SGCZ: variants seen among roughly 807,000 people sequenced by gnomAD.
SGCZ encodes the protein zeta-sarcoglycan.
A neutral mutation model predicts 41.3 loss-of-function variants in SGCZ; 40 were observed. The observed-to-expected ratio is 0.97, with a 90% CI of 0.75 to 1.26. The LOEUF (loss-of-function observed/expected upper bound fraction) is 1.26, where lower values mean the gene tolerates loss of function less well. SGCZ is among the 50% of genes most tolerant of loss of function. The pLI is 0.00. For missense variants in SGCZ, 552 were observed against 369.8 expected (o/e 1.49, Z -4.04); for synonymous variants, 206 against 137.5 (o/e 1.50, Z -3.49).
chr8:14,230,435 C>T (rs56656905), intron 4 of SGCZ, among the ~76,000 whole-genome samples: 48,874 of 151,626 alleles, frequency 0.32, 8,144 homozygotes, highest in Non-Finnish European at 0.37. Context: ...CTATATGAGG[C>T]AAATACTCAT....
At chr8:15,021,582 G>C (rs1803250218) in intron 1 of SGCZ, among the ~76,000 whole-genome samples, 1 of 152,182 alleles carries the variant, frequency 6.6e-6, no homozygotes, top group Non-Finnish European at 1.5e-5. Flanking sequence ...CTGAAACACT[G>C]TATGGGGTTA....
At chr8:14,442,539 C>G in intron 2 of SGCZ, among the ~76,000 whole-genome samples, 1 of 152,136 alleles carries the variant, frequency 6.6e-6, no homozygotes, top group East Asian at 1.9e-4. Flanking sequence ...TTGACAGTAC[C>G]TGACACTAAA....
chr8:14,988,819 TAA>T (rs779733783), intron 1 of SGCZ, among the ~76,000 whole-genome samples: 34 of 152,290 alleles, frequency 2.2e-4, no homozygotes, highest in Non-Finnish European at 4.3e-4. Flanking sequence ...ATTGAAATAC[TAA>T]GAGAGAAAAC....
At chr8:14,296,717 C>T (rs1187265167) in intron 3 of SGCZ, among the ~76,000 whole-genome samples, 1 of 151,414 alleles carries the variant, frequency 6.6e-6, no homozygotes, top group African/African-American at 2.4e-5. Context: ...TAGCCAAAAA[C>T]CTAAAAGAGG....
At chr8:15,186,012 C>A (rs1013537104) in intron 1 of SGCZ, among the ~76,000 whole-genome samples, 1 of 150,362 alleles carries the variant, frequency 6.7e-6, no homozygotes, top group Non-Finnish European at 1.5e-5. Context: ...ATCACGAGGT[C>A]AGGAGATGAG....
intron 1 of SGCZ, among the ~76,000 whole-genome samples, chr8:14,987,598 A>G (rs1801866360): frequency 6.6e-6 from 1 of 151,956 alleles, no homozygotes; most frequent in Non-Finnish European, 1.5e-5. Flanking sequence ...TTCCACTTAC[A>G]TACCCAGTCA....
chr8:14,861,526 T>C (rs1361883755), intron 1 of SGCZ, among the ~76,000 whole-genome samples: 1 of 152,154 alleles, frequency 6.6e-6, no homozygotes, highest in African/African-American at 2.4e-5. Context: ...TGGCATTGCA[T>C]GACATAAAGA....
At chr8:15,147,607 T>C (rs758100419) in intron 1 of SGCZ, among the ~76,000 whole-genome samples, 1 of 152,128 alleles carries the variant, frequency 6.6e-6, no homozygotes, top group Non-Finnish European at 1.5e-5. Flanking sequence ...GTTAATTTAG[T>C]GATTTTCCGC....
chr8:14,922,550 G>A (rs1004860262), intron 1 of SGCZ, among the ~76,000 whole-genome samples: 4 of 152,046 alleles, frequency 2.6e-5, no homozygotes, highest in African/African-American at 9.7e-5. Flanking sequence ...TGCCTCCCGG[G>A]TTCAAGCTAT....
At chr8:14,977,212 T>C (rs1196170739) in intron 1 of SGCZ, among the ~76,000 whole-genome samples, 1 of 152,004 alleles carries the variant, frequency 6.6e-6, no homozygotes, top group African/African-American at 2.4e-5. Context: ...CTATGTCTTC[T>C]TCACAGTGAA....
At position 14,733,069 on chromosome 8, in the gene SGCZ, G is replaced by C. The variant is rs184159810; in HGVS notation, c.40-178143C>G. Among the ~76,000 whole-genome samples the C allele has an allele frequency of 1.2e-3, 190 of 152,166 alleles. 2 individuals carry two copies. The highest frequency in any genetic ancestry group is 2.2e-4 in the Non-Finnish European group (15 of 68,008). ...TCTATCACTCCTAGAGACAGTAAAC[G>C]ACTCACCTGTGAGCATGACACTGAC... On this transcript the variant is annotated intron_variant, in intron 1 of 7. Coordinates refer to ENST00000382080, the MANE Select transcript of SGCZ (RefSeq NM_139167.4).
intron 1 of SGCZ, among the ~76,000 whole-genome samples, chr8:14,557,884 T>C (rs1189829129): frequency 2.6e-5 from 4 of 152,114 alleles, no homozygotes; most frequent in African/African-American, 9.7e-5. Context: ...CAAAGCTGGT[T>C]CTTTGAAAAG....
At chr8:14,173,118 C>G (rs1278918610) in intron 4 of SGCZ, among the ~76,000 whole-genome samples, 1 of 151,840 alleles carries the variant, frequency 6.6e-6, no homozygotes, top group Non-Finnish European at 1.5e-5. Flanking sequence ...TAAAATCATA[C>G]TTGAACAGGA....
Position 14,796,374 on chromosome 8 carries a change from G to A in SGCZ, c.40-241448C>T, listed in dbSNP as rs115358291. 2.9e-3 allele frequency among the ~76,000 whole-genome samples: 441 copies of A among 151,936 alleles called. 3 individuals carry two copies. Among genetic ancestry groups the A allele is most frequent in the African/African-American group, 9.8e-3 (406 of 41,320 alleles). On this transcript the variant is annotated intron_variant, in intron 1 of 7. Coordinates refer to ENST00000382080, the MANE Select transcript of SGCZ (RefSeq NM_139167.4). Reference sequence around the variant, plus strand: ...CCTCAAGTGATCATTCCACCTTGGCGTCTCAAGTTGCTGGTATTACAGGTG... The same window carrying A: ...CCTCAAGTGATCATTCCACCTTGGCATCTCAAGTTGCTGGTATTACAGGTG...
intron 2 of SGCZ, among the ~76,000 whole-genome samples, chr8:14,419,897 C>T (rs748185020): frequency 2.0e-5 from 3 of 152,094 alleles, no homozygotes; most frequent in South Asian, 2.1e-4. Context: ...GTTTCTAAAG[C>T]GACGAGAAAG....
intron 2 of SGCZ, among the ~76,000 whole-genome samples, chr8:14,495,089 G>A (rs1411500494): frequency 2.0e-5 from 3 of 152,082 alleles, no homozygotes; most frequent in Non-Finnish European, 4.4e-5. Flanking sequence ...AATTTATGGA[G>A]GATTGTTTCG....
rs1585706621 is a variant in SGCZ, at chr8:15,238,067, A to G, written c.-444T>C. ...GTGTTCAAACTGAAGAGAAGAGTGT[A>G]TGATAAAAGGCTTCCTCCGTCAGGC... On this transcript the variant is annotated 5_prime_UTR_variant, in exon 1 of 8. Transcript: ENST00000382080. The G allele has an allele frequency of 6.3e-6, 1 of 157,538 alleles. No individual in the cohort carries two copies. The highest frequency in any genetic ancestry group is 2.4e-5 in the African/African-American group (1 of 41,524). The allele number at this position is 157,538 out of a possible 1,614,324, so 9.8% of individuals were successfully genotyped here.
At chr8:14,758,385 T>C (rs1219725709) in intron 1 of SGCZ, among the ~76,000 whole-genome samples, 3 of 152,172 alleles carry the variant, frequency 2.0e-5, no homozygotes, top group African/African-American at 7.2e-5. Flanking sequence ...TTTAACCAAG[T>C]CAGCTTCTTT....
At chr8:15,226,039 T>C (rs1801761049) in intron 1 of SGCZ, among the ~76,000 whole-genome samples, 1 of 152,180 alleles carries the variant, frequency 6.6e-6, no homozygotes, top group Non-Finnish European at 1.5e-5. Flanking sequence ...ACTGAAAGAC[T>C]AAGATAACAA....
Sources: gnomAD v4.1 joint callset for allele counts (sites outside exome capture counted in the v4.1 genomes callset) on GRCh38, gnomAD v4.1.1 for gene constraint, MANE v1.5 for transcripts, NCBI Gene and HGNC (gene_info 2026-07-23, HGNC 2026-07-21) for gene names.